The following NCR2 variants were observed in gnomAD, a reference collection of about 807,000 sequenced individuals.
The protein encoded by NCR2 is NK cell activating receptor (NKp44).
A neutral mutation model predicts 30.7 loss-of-function variants in NCR2; 35 were observed. That is an observed-to-expected ratio of 1.14 (90% confidence interval 0.87 to 1.51). NCR2 has a LOEUF of 1.51. NCR2 is among the 40% of genes most tolerant of loss of function. The pLI, the probability that NCR2 is intolerant of heterozygous loss-of-function variation, is 0.00. For missense variants in NCR2, 316 were observed against 328.9 expected (o/e 0.96, Z 0.30); for synonymous variants, 146 against 134.8 (o/e 1.08, Z -0.58).
At chr6:41,350,021 G>A (rs537602789) in intron 4 of NCR2, among the ~76,000 whole-genome samples, 1 of 152,314 alleles carries the variant, frequency 6.6e-6, no homozygotes, top group East Asian at 1.9e-4. Context: ...CCCAGCTCAT[G>A]AGGGACATTT....
intron 4 of NCR2, among the ~76,000 whole-genome samples, chr6:41,349,985 T>C (rs1432119592): frequency 2.6e-5 from 4 of 152,132 alleles, no homozygotes; most frequent in African/African-American, 9.7e-5. Context: ...CTTTCAAGAG[T>C]TTGCCTGGAA....
At chr6:41,349,571 T>A (rs1769382028) in intron 4 of NCR2, among the ~76,000 whole-genome samples, 1 of 152,204 alleles carries the variant, frequency 6.6e-6, no homozygotes. Flanking sequence ...TCAATCAAGC[T>A]GACATGATGA....
At chr6:41,344,022 C>G (rs1769242851) in intron 4 of NCR2, among the ~76,000 whole-genome samples, 1 of 152,272 alleles carries the variant, frequency 6.6e-6, no homozygotes, top group African/African-American at 2.4e-5. Context: ...TGTGCCTCCT[C>G]CCCCTTTCCA....
intron 4 of NCR2, among the ~76,000 whole-genome samples, chr6:41,345,971 A>G (rs9369272): frequency 0.67 from 102,232 of 151,830 alleles, 34,842 homozygotes; most frequent in East Asian, 0.86. Flanking sequence ...TCCTGAGCCC[A>G]AGGGTGGGGT....
At chr6:41,345,692 C>T (rs1480653255) in intron 4 of NCR2, among the ~76,000 whole-genome samples, 1 of 152,074 alleles carries the variant, frequency 6.6e-6, no homozygotes, top group Admixed American at 6.6e-5. Flanking sequence ...CCCAGGATGC[C>T]CTGGTCCTCC....
Position 41,336,184 on chromosome 6 carries a change from GAAGA to G in NCR2, c.154_157del (p.Lys52AlafsTer14). 1 of 1,614,186 alleles carries G rather than the reference GAAGA, an allele frequency of 6.2e-7. No homozygotes were observed. Among genetic ancestry groups the G allele is most frequent in the Admixed American group, 1.7e-5 (1 of 60,036 alleles). On this transcript the variant is annotated frameshift_variant, in exon 2 of 5. Transcript: ENST00000373089. LOFTEE classifies it high-confidence loss of function. The stretch of plus-strand genomic sequence containing the variant: ...ACCCGCCCACGGGCAGTCTCTACGA[GAAGA>G]AAGGCTGGTGTAAGGAGGCTTCAGC...
intron 2 of NCR2, among the ~76,000 whole-genome samples, chr6:41,337,307 A>T (rs896528182): frequency 6.6e-6 from 1 of 152,232 alleles, no homozygotes; most frequent in Non-Finnish European, 1.5e-5. Context: ...CAAATATCAC[A>T]TAGGGAAAAA....
At chr6:41,347,464 A>G (rs1029928133) in intron 4 of NCR2, among the ~76,000 whole-genome samples, 2 of 152,186 alleles carry the variant, frequency 1.3e-5, no homozygotes, top group African/African-American at 2.4e-5. Flanking sequence ...CAGGCCTTTG[A>G]CTATGCCACT....
chr6:41,340,217 G>C (rs1011023285), intron 2 of NCR2, among the ~76,000 whole-genome samples: 5 of 148,960 alleles, frequency 3.4e-5, no homozygotes, highest in Non-Finnish European at 7.4e-5. Context: ...GCTGGAGTGC[G>C]GTGGCGCGAT....
At chr6:41,349,131 A>G (rs1769373258) in intron 4 of NCR2, among the ~76,000 whole-genome samples, 1 of 146,034 alleles carries the variant, frequency 6.8e-6, no homozygotes, top group Non-Finnish European at 1.5e-5. Flanking sequence ...TTATTTATAT[A>G]TTTTATATTA....
At chr6:41,341,658 C>A in intron 2 of NCR2, 136 bp from the exon 3 acceptor site, 1 of 1,148,054 alleles carries the variant, frequency 8.7e-7, no homozygotes, top group Non-Finnish European at 1.2e-6. Flanking sequence ...CAGTCCCCAC[C>A]CCTCAAATTA....
At chr6:41,339,164 C>T (rs1294075759) in intron 2 of NCR2, among the ~76,000 whole-genome samples, 17 of 152,034 alleles carry the variant, frequency 1.1e-4, no homozygotes, top group Non-Finnish European at 5.9e-5. Context: ...AGGGTTCAAG[C>T]GATTCTCCTG....
chr6:41,345,708 C>T (rs1769283601), intron 4 of NCR2, among the ~76,000 whole-genome samples: 1 of 152,158 alleles, frequency 6.6e-6, no homozygotes, highest in African/African-American at 2.4e-5. Context: ...CCTCCCTCAT[C>T]ACCCAGAATC....
intron 4 of NCR2, among the ~76,000 whole-genome samples, chr6:41,345,089 T>C (rs1769271097): frequency 6.6e-6 from 1 of 152,140 alleles, no homozygotes; most frequent in Non-Finnish European, 1.5e-5. Context: ...TGTGTCACCC[T>C]CATCAGAGAC....
rs985929170 is a variant in NCR2, at chr6:41,336,320, A to G, written c.286A>G (p.Met96Val). Reference protein sequence around the residue: ...DPDAGFFTVTMTDLREEDSGH... With the variant: ...DPDAGFFTVTVTDLREEDSGH... ...TGATGCTGGCTTCTTCACTGTCACCATGACTGATCTGAGAGAGGAAGACTC... is the reference window on the plus strand; with the variant it reads ...TGATGCTGGCTTCTTCACTGTCACCGTGACTGATCTGAGAGAGGAAGACTC... Residue 96 changes from methionine to valine, a missense_variant, in exon 2 of 5, where the codon ATG (methionine) becomes GTG (valine). Transcript: ENST00000373089. 4 of 1,614,136 alleles carry G rather than the reference A, an allele frequency of 2.5e-6. No individual in the cohort carries two copies. Among genetic ancestry groups the G allele is most frequent in the Non-Finnish European group, 2.5e-6 (3 of 1,180,028 alleles).
At chr6:41,336,975 C>A (rs1215384212) in intron 2 of NCR2, among the ~76,000 whole-genome samples, 5 of 152,140 alleles carry the variant, frequency 3.3e-5, no homozygotes, top group Admixed American at 2.6e-4. Context: ...TGGAACACAG[C>A]CATGCCCACT....
At chr6:41,339,627 C>T (rs544545905) in intron 2 of NCR2, among the ~76,000 whole-genome samples, 17 of 152,182 alleles carry the variant, frequency 1.1e-4, no homozygotes, top group Non-Finnish European at 1.6e-4. Context: ...CCTCATGATC[C>T]GCCCTCCTCG....
intron 2 of NCR2, among the ~76,000 whole-genome samples, chr6:41,337,147 A>C (rs1769052655): frequency 6.6e-6 from 1 of 152,262 alleles, no homozygotes; most frequent in Non-Finnish European, 1.5e-5. Context: ...CCTTCTAAAA[A>C]AAAATCTGCA....
rs770997096 is a variant in NCR2, at chr6:41,335,855, G to T, written c.-22G>T. 6.4e-7 allele frequency: 1 copy of T among 1,561,062 alleles called. No individual in the cohort carries two copies. The highest frequency in any genetic ancestry group is 2.4e-5 in the East Asian group (1 of 42,028). On this transcript the variant is annotated 5_prime_UTR_variant, in exon 1 of 5. It removes an upstream start codon present in the reference 5' UTR. Coordinates refer to ENST00000373089, the MANE Select transcript of NCR2 (RefSeq NM_004828.4). Reference sequence around the variant, plus strand: ...GTCTTCTCCAGGTGTCCCCTCCCATGAGCGCACAGGAAAAGGACCACATGG... The same window carrying T: ...GTCTTCTCCAGGTGTCCCCTCCCATTAGCGCACAGGAAAAGGACCACATGG...
Sources: gnomAD v4.1 joint callset for allele counts (sites outside exome capture counted in the v4.1 genomes callset) on GRCh38, gnomAD v4.1.1 for gene constraint, MANE v1.5 for transcripts, NCBI Gene and HGNC (gene_info 2026-07-23, HGNC 2026-07-21) for gene names.